KCND2: variants seen among roughly 807,000 people sequenced by gnomAD.
KCND2 encodes potassium voltage-gated channel subfamily D member 2, also known as A-type voltage-gated potassium channel KCND2.
A neutral mutation model predicts 54.4 loss-of-function variants in KCND2; 16 were observed. That is an observed-to-expected ratio of 0.29 (90% CI 0.20 to 0.45). The LOEUF is 0.45. KCND2 is among the 20% of genes least tolerant of loss of function. KCND2 has a pLI of 1.00. For synonymous variants in KCND2, 317 were observed against 310.7 expected (o/e 1.02, Z -0.21); for missense variants, 486 against 824.2 (o/e 0.59, Z 5.02).
rs946057457 is a variant in KCND2 at position 120,376,183 on chromosome 7, C to T, written c.1115+100436C>T. On this transcript the variant is annotated intron_variant, in intron 1 of 5. Transcript: ENST00000331113. Reference sequence around the variant, plus strand: ...ATTAAAGATAATCAAAAATAACTCCCAGTGACTTTTTATCTGTATTCTATT... The same window carrying T: ...ATTAAAGATAATCAAAAATAACTCCTAGTGACTTTTTATCTGTATTCTATT... 3.3e-5 allele frequency among the ~76,000 whole-genome samples: 5 copies of T among 151,554 alleles called. No individual in the cohort carries two copies. The Admixed American group carries it at 3.3e-4, about 10-fold the overall frequency.
intron 1 of KCND2, among the ~76,000 whole-genome samples, chr7:120,418,735 TA>T (rs1218507031): frequency 1.3e-5 from 2 of 152,298 alleles, no homozygotes; most frequent in Non-Finnish European, 2.9e-5. Context: ...ACATTCAGGT[TA>T]AATAAACAGC....
chr7:120,326,843 G>A (rs188904351), intron 1 of KCND2, among the ~76,000 whole-genome samples: 3 of 152,152 alleles, frequency 2.0e-5, no homozygotes, highest in Admixed American at 2.0e-4. Context: ...CTTGGGGATT[G>A]TTCAGTAAGC....
intron 1 of KCND2, among the ~76,000 whole-genome samples, chr7:120,449,681 A>C (rs1390224599): frequency 6.6e-6 from 1 of 152,202 alleles, no homozygotes; most frequent in African/African-American, 2.4e-5. Context: ...CATTAAGATA[A>C]TCATTCCTTC....
At chr7:120,644,450 A>G (rs988253129) in intron 1 of KCND2, among the ~76,000 whole-genome samples, 2 of 152,198 alleles carry the variant, frequency 1.3e-5, no homozygotes, top group Non-Finnish European at 2.9e-5. Flanking sequence ...TCAAAACTCA[A>G]TTTCCAAACC....
chr7:120,377,367 G>A (rs1800847884), intron 1 of KCND2, among the ~76,000 whole-genome samples: 1 of 151,888 alleles, frequency 6.6e-6, no homozygotes, highest in South Asian at 2.1e-4. Flanking sequence ...AGTGTAGTGG[G>A]CTCAAGTTTT....
intron 1 of KCND2, among the ~76,000 whole-genome samples, chr7:120,464,813 C>G (rs1802344666): frequency 6.6e-6 from 1 of 152,118 alleles, no homozygotes; most frequent in Admixed American, 6.6e-5. Context: ...CTCATGTATT[C>G]CCGTCCATCT....
chr7:120,603,585 G>A (rs757055774), intron 1 of KCND2, among the ~76,000 whole-genome samples: 21 of 152,134 alleles, frequency 1.4e-4, no homozygotes, highest in Non-Finnish European at 2.9e-4. Flanking sequence ...AGAGCTAAAG[G>A]TCAGCAATGA....
chr7:120,730,924 C>T (rs1444511318), intron 1 of KCND2, among the ~76,000 whole-genome samples: 1 of 152,182 alleles, frequency 6.6e-6, no homozygotes, highest in African/African-American at 2.4e-5. Context: ...CTCCCTTGAG[C>T]ATGGATTCTA....
chr7:120,472,101 T>C (rs1410865469), intron 1 of KCND2, among the ~76,000 whole-genome samples: 1 of 151,276 alleles, frequency 6.6e-6, no homozygotes, highest in Non-Finnish European at 1.5e-5. Flanking sequence ...TAGTTTGGGG[T>C]TACCTAAGGT....
At chr7:120,544,653 A>G (rs897779244) in intron 1 of KCND2, among the ~76,000 whole-genome samples, 3 of 151,968 alleles carry the variant, frequency 2.0e-5, no homozygotes, top group African/African-American at 4.8e-5. Context: ...CAACTGCAAC[A>G]ATAGTTCAAA....
In KCND2 at chr7:120,676,110, T is replaced by C. The variant is rs181080661; in HGVS notation, c.1116-56793T>C. On this transcript the variant is annotated intron_variant, in intron 1 of 5. Transcript: ENST00000331113. ...GCCTCAGCCTCCCAAATTGTTGAGA[T>C]TACAGGTGTGAGCCACCGTGCCCAA... 2.6e-5 allele frequency among the ~76,000 whole-genome samples: 4 copies of C among 152,278 alleles called. No homozygotes were observed. The East Asian group carries it at 7.7e-4, about 29-fold the overall frequency.
chr7:120,496,456 G>A (rs979972489), intron 1 of KCND2, among the ~76,000 whole-genome samples: 4 of 151,478 alleles, frequency 2.6e-5, no homozygotes, highest in African/African-American at 7.3e-5. Context: ...ATGGAGTCTC[G>A]CTCTGTTGCA....
At chr7:120,440,882 G>A (rs960589962) in intron 1 of KCND2, among the ~76,000 whole-genome samples, 4 of 151,914 alleles carry the variant, frequency 2.6e-5, no homozygotes, top group African/African-American at 4.8e-5. Flanking sequence ...CAATAAGCCA[G>A]TTTTCAGAAA....
chr7:120,717,317 G>A (rs565368624), intron 1 of KCND2, among the ~76,000 whole-genome samples: 2 of 152,260 alleles, frequency 1.3e-5, no homozygotes, highest in South Asian at 4.1e-4. Context: ...CATATACAGT[G>A]TGGATACGCA....
intron 1 of KCND2, among the ~76,000 whole-genome samples, chr7:120,595,483 G>GTATATA (rs35672951): frequency 3.0e-5 from 4 of 133,482 alleles, no homozygotes; most frequent in African/African-American, 8.3e-5. Flanking sequence ...ATATATATGT[G>GTATATA]TATATATATA....
intron 1 of KCND2, among the ~76,000 whole-genome samples, chr7:120,277,667 T>A (rs999563422): frequency 1.3e-5 from 2 of 152,026 alleles, no homozygotes; most frequent in Admixed American, 6.6e-5. Flanking sequence ...CTTGAGAAGT[T>A]AGCATTATTT....
chr7:120,449,278 G>A (rs866689241), intron 1 of KCND2, among the ~76,000 whole-genome samples: 6 of 149,890 alleles, frequency 4.0e-5, no homozygotes, highest in South Asian at 2.1e-4. Context: ...TCAGTGAGCC[G>A]AGATCACGCC....
intron 1 of KCND2, among the ~76,000 whole-genome samples, chr7:120,615,152 C>T (rs539747535): frequency 2.9e-4 from 44 of 152,294 alleles, no homozygotes; most frequent in African/African-American, 9.9e-4. Context: ...GAGTCAAATT[C>T]CTATTCTGTC....
intron 1 of KCND2, among the ~76,000 whole-genome samples, chr7:120,327,458 G>T (rs961726372): frequency 1.3e-5 from 2 of 152,020 alleles, no homozygotes; most frequent in African/African-American, 4.8e-5. Context: ...CTACCTATAT[G>T]AAGAGTGATT....
Sources: gnomAD v4.1 joint callset for allele counts (sites outside exome capture counted in the v4.1 genomes callset) on GRCh38, gnomAD v4.1.1 for gene constraint, MANE v1.5 for transcripts, NCBI Gene and HGNC (gene_info 2026-07-23, HGNC 2026-07-21) for gene names.